The following TRERF1 variants were observed in gnomAD, a reference collection of about 807,000 sequenced individuals.
TRERF1 encodes transcriptional-regulating factor 1.
TRERF1 carries 27 observed loss-of-function variants against 122.9 expected under a neutral mutation model. That is an observed-to-expected ratio of 0.22 (90% CI 0.16 to 0.30). The LOEUF is 0.30. Among genes scored for constraint, TRERF1 ranks in the 10% least tolerant of loss-of-function variants. The pLI is 1.00. For synonymous variants in TRERF1, 636 were observed against 641.7 expected (o/e 0.99, Z 0.13); for missense variants, 1,248 against 1,560.3 (o/e 0.80, Z 3.37).
intron 13 of TRERF1, among the ~76,000 whole-genome samples, chr6:42,253,225 A>G (rs1776141824): frequency 6.6e-6 from 1 of 152,204 alleles, no homozygotes; most frequent in Non-Finnish European, 1.5e-5. Context: ...ACTTGGAAGA[A>G]CCAGAGGAGA....
At chr6:42,272,955 T>C (rs1177092983) in intron 4 of TRERF1, among the ~76,000 whole-genome samples, 4 of 152,148 alleles carry the variant, frequency 2.6e-5, no homozygotes, top group Non-Finnish European at 5.9e-5. Flanking sequence ...CCAAACTGGA[T>C]GCTGTTTTCA....
At chr6:42,436,813 AAATATATAT>A (rs1243041824) in intron 2 of TRERF1, among the ~76,000 whole-genome samples, 6 of 106,896 alleles carry the variant, frequency 5.6e-5, no homozygotes, top group South Asian at 3.7e-4. Context: ...AAAAAAAAAA[AAATATATAT>A]ATATATATAT....
intron 17 of TRERF1, among the ~76,000 whole-genome samples, chr6:42,231,627 G>T (rs745982137): frequency 2.2e-4 from 34 of 152,318 alleles, no homozygotes; most frequent in Middle Eastern, 6.8e-3. Flanking sequence ...ACTCAGCAAG[G>T]CTCCTAAAGG....
chr6:42,323,610 T>C (rs563465235), intron 3 of TRERF1, among the ~76,000 whole-genome samples: 2 of 152,010 alleles, frequency 1.3e-5, no homozygotes, highest in East Asian at 3.9e-4. Flanking sequence ...AATTTGACAA[T>C]AGGGAAGGTG....
At chr6:42,381,734 G>A (rs567770491) in intron 2 of TRERF1, among the ~76,000 whole-genome samples, 22 of 151,672 alleles carry the variant, frequency 1.5e-4, no homozygotes, top group South Asian at 1.3e-3. Context: ...AGAAGGCAGG[G>A]GAAGTGGCTC....
At chr6:42,448,133 T>C (rs1248446028) in intron 2 of TRERF1, among the ~76,000 whole-genome samples, 1 of 152,212 alleles carries the variant, frequency 6.6e-6, no homozygotes, top group African/African-American at 2.4e-5. Flanking sequence ...TTATGAACCT[T>C]ATCACAAATA....
intron 3 of TRERF1, among the ~76,000 whole-genome samples, chr6:42,312,144 G>A (rs1243638499): frequency 6.6e-6 from 1 of 152,164 alleles, no homozygotes; most frequent in Non-Finnish European, 1.5e-5. Context: ...GCAGGAAAGG[G>A]AGTCAGGGAT....
rs549561712 is a variant in TRERF1, at chr6:42,268,148, G to A, written c.1437+6C>T. 4.2e-6 allele frequency: 6 copies of A among 1,445,688 alleles called. No individual in the cohort carries two copies. Among genetic ancestry groups the A allele is most frequent in the Non-Finnish European group, 5.5e-6 (6 of 1,097,592 alleles). The allele number at this position is 1,445,688 out of a possible 1,614,324, so 89.6% of individuals were successfully genotyped here. A position where few individuals can be genotyped will look rare whatever the true frequency, so the allele number is the denominator to read the frequency against. Reference sequence around the variant, plus strand: ...GTATTGAGAGAAACTTCCAATGGGAGAATACCTGGGGCCACATGGCACTGG... The same window carrying A: ...GTATTGAGAGAAACTTCCAATGGGAAAATACCTGGGGCCACATGGCACTGG... On this transcript the variant is annotated splice_donor_region_variant and intron_variant, in intron 5 of 17. Transcript: ENST00000372922. This position sits in a 1 kb window ranked among gnomAD's most constrained non-coding sequence, Gnocchi z 4.4.
At chr6:42,352,141 A>G (rs1769576472) in intron 3 of TRERF1, among the ~76,000 whole-genome samples, 2 of 152,028 alleles carry the variant, frequency 1.3e-5, no homozygotes, top group African/African-American at 4.8e-5. Context: ...GGTAGCTGGG[A>G]CCACAGGCAC....
chr6:42,265,823 GA>G lies in TRERF1; in HGVS notation c.1438-27del. ...CTAATTTTGAGCCAAACAGGACACC[GA>G]AAAAAAGAAGAGAAAAAAACGTGTT... On this transcript the variant is annotated intron_variant, in intron 5 of 17. Transcript: ENST00000372922. 3 of 1,610,438 alleles carry G rather than the reference GA, an allele frequency of 1.9e-6. No individual in the cohort carries two copies. In the South Asian group the frequency reaches 3.3e-5, roughly 18 times the overall value.
intron 3 of TRERF1, among the ~76,000 whole-genome samples, chr6:42,355,254 A>T (rs985687278): frequency 1.1e-4 from 16 of 152,180 alleles, no homozygotes; most frequent in South Asian, 4.1e-4. Context: ...TATTCCTCTT[A>T]AAGTGGTATA....
At chr6:42,315,386 A>T (rs1455262242) in intron 3 of TRERF1, among the ~76,000 whole-genome samples, 1 of 152,230 alleles carries the variant, frequency 6.6e-6, no homozygotes, top group East Asian at 1.9e-4. Flanking sequence ...GGGTGCTCAC[A>T]GAAGCACATG....
intron 4 of TRERF1, among the ~76,000 whole-genome samples, chr6:42,277,859 AG>A: frequency 6.9e-6 from 1 of 144,114 alleles, no homozygotes; most frequent in Non-Finnish European, 1.5e-5. Flanking sequence ...AGAAGAAAGA[AG>A]GAAGAAGGAA....
Position 42,228,389 on chromosome 6 carries a change from C to T in TRERF1, c.3559G>A (p.Asp1187Asn), listed in dbSNP as rs11751765. 72,606 of 1,614,084 alleles carry T rather than the reference C, an allele frequency of 0.045. 1,961 individuals carry two copies. The highest frequency in any genetic ancestry group is 0.049 in the Non-Finnish European group (58,076 of 1,179,992). The stretch of plus-strand genomic sequence containing the variant: ...TGAAGCAAGACTGAATCTTGATCAT[C>T]CAAGAGAAGATCGGTGTCCACAACT... Residue 1187 changes from aspartate to asparagine, a missense_variant, in exon 18 of 18, where the codon GAT becomes AAT. Physicochemically the swap from Asp to Asn is conservative, Grantham distance 23. Coordinates refer to ENST00000372922, the Ensembl canonical transcript of TRERF1. The surrounding 1 kb of genome is among the most constrained non-coding windows in gnomAD (Gnocchi z 4.2).
chr6:42,444,439 C>T (rs1787106011), intron 2 of TRERF1, among the ~76,000 whole-genome samples: 1 of 152,120 alleles, frequency 6.6e-6, no homozygotes, highest in African/African-American at 2.4e-5. Flanking sequence ...CAGTCTTAAC[C>T]CTTGAGTCTC....
At chr6:42,406,192 T>C (rs1460670549) in intron 2 of TRERF1, among the ~76,000 whole-genome samples, 1 of 152,244 alleles carries the variant, frequency 6.6e-6, no homozygotes, top group African/African-American at 2.4e-5. Flanking sequence ...GCTGTAAAGC[T>C]GGGACCTGGC....
chr6:42,315,708 C>CCA (rs1554164170), intron 3 of TRERF1, among the ~76,000 whole-genome samples: 1 of 71,984 alleles, frequency 1.4e-5, no homozygotes, highest in East Asian at 5.5e-4. Flanking sequence ...GGAACACCAC[C>CCA]CCCCCCCCCA....
chr6:42,331,790 C>T (rs938710121), intron 3 of TRERF1, among the ~76,000 whole-genome samples: 2 of 152,202 alleles, frequency 1.3e-5, no homozygotes, highest in African/African-American at 4.8e-5. Context: ...GCAGCGCTGC[C>T]AGGGGCACAC....
chr6:42,382,871 T>C (rs1581911078), intron 2 of TRERF1, among the ~76,000 whole-genome samples: 1 of 145,058 alleles, frequency 6.9e-6, no homozygotes, highest in African/African-American at 2.6e-5. Flanking sequence ...CCTCTCCATC[T>C]CCCAGGACAC....
Sources: gnomAD v4.1 joint callset for allele counts (sites outside exome capture counted in the v4.1 genomes callset) on GRCh38, gnomAD v4.1.1 for gene constraint, Gnocchi (gnomAD v3.1) non-coding constraint, MANE v1.5 for transcripts, NCBI Gene and HGNC (gene_info 2026-07-23, HGNC 2026-07-21) for gene names.